The following ITIH5 variants were observed in gnomAD, a reference collection of about 807,000 sequenced individuals.
ITIH5 encodes the protein inter-alpha-trypsin inhibitor heavy chain H5.
In ITIH5, 65 loss-of-function variants were observed where a neutral mutation model predicts 77.5. The ratio of observed to expected loss-of-function variants is 0.84; its 90% confidence interval spans 0.69 to 1.03. The LOEUF is 1.03. ITIH5 is among the 50% of genes least tolerant of loss of function. The probability of loss-of-function intolerance (pLI) is 0.00; values close to 1 mark genes in which losing one functional copy is unlikely to be tolerated. For missense variants in ITIH5, 1,208 were observed against 1,213.1 expected, an observed-to-expected ratio of 1.00 and a Z score of 0.06; for synonymous variants, 525 against 494.3, an observed-to-expected ratio of 1.06 and a Z score of -0.82.
At chr10:7,629,717 A>T (rs1258520898) in intron 5 of ITIH5, among the ~76,000 whole-genome samples, 2 of 152,108 alleles carry the variant, frequency 1.3e-5, no homozygotes, top group Non-Finnish European at 2.9e-5. Context: ...TTTTCCATTC[A>T]CCTGTTCAGG....
At chr10:7,565,911 T>A in intron 13 of ITIH5, 119 bp downstream of exon 13, 1 of 1,399,940 alleles carries the variant, frequency 7.1e-7, no homozygotes, top group East Asian at 2.3e-5. Context: ...GTATATATAA[T>A]GAAAACCACA....
At chr10:7,569,560 C>T (rs1475734463) in intron 12 of ITIH5, 108 bp downstream of exon 12, 6 of 641,904 alleles carry the variant, frequency 9.3e-6, no homozygotes, top group African/African-American at 1.8e-5. Flanking sequence ...ACTCACTGAG[C>T]GTCTGTAAGG....
At chr10:7,641,828 T>C (rs183674311) in intron 3 of ITIH5, 99 bp downstream of exon 3, 489 of 944,668 alleles carry the variant, frequency 5.2e-4, no homozygotes, top group Admixed American at 1.6e-3. Context: ...TCTACTGGAA[T>C]ATAAATCCTC....
At chr10:7,621,422 T>C (rs770454837) in intron 5 of ITIH5, 12 of 152,190 alleles carry the variant, frequency 7.9e-5, no homozygotes, top group Non-Finnish European at 1.8e-4. Context: ...ACTGTATGAT[T>C]ATTTTGGCTT....
intron 7 of ITIH5, among the ~76,000 whole-genome samples, chr10:7,598,163 T>G (rs997575903): frequency 3.3e-5 from 5 of 152,222 alleles, no homozygotes; most frequent in Admixed American, 6.5e-5. Flanking sequence ...AAGTTCCTTT[T>G]GTTGCCCCTC....
intron 12 of ITIH5, among the ~76,000 whole-genome samples, chr10:7,568,698 C>T (rs1243706446): frequency 6.6e-6 from 1 of 152,224 alleles, no homozygotes; most frequent in Non-Finnish European, 1.5e-5. Context: ...GGGGTGCCCA[C>T]TCCAAAGCTT....
chr10:7,582,030 C>A (rs1300196933), intron 8 of ITIH5, among the ~76,000 whole-genome samples: 3 of 151,760 alleles, frequency 2.0e-5, no homozygotes, highest in Non-Finnish European at 4.4e-5. Context: ...CACACGCCAC[C>A]ATGCCTGGCT....
chr10:7,638,200 G>T (rs544204914), intron 4 of ITIH5, among the ~76,000 whole-genome samples: 1 of 152,324 alleles, frequency 6.6e-6, no homozygotes, highest in African/African-American at 2.4e-5. Context: ...CAGAGAGAGT[G>T]CAGGCTCTGA....
At chr10:7,624,824 TGTGTATATAC>T (rs1308086973) in intron 5 of ITIH5, among the ~76,000 whole-genome samples, 3 of 135,824 alleles carry the variant, frequency 2.2e-5, no homozygotes, top group Admixed American at 7.3e-5. Context: ...CACATATATA[TGTGTATATAC>T]ATGTATATAC....
intron 7 of ITIH5, among the ~76,000 whole-genome samples, chr10:7,593,692 AC>A: frequency 5.7e-5 from 1 of 17,682 alleles, no homozygotes; most frequent in Admixed American, 6.0e-4. Context: ...ACCCAGCCCC[AC>A]TCATCCCTGC....
intron 12 of ITIH5, among the ~76,000 whole-genome samples, chr10:7,566,832 GGAAGAGGAAGAGGAAGAA>G (rs1832183114): frequency 0.01 from 341 of 34,010 alleles, 1 homozygote; most frequent in South Asian, 0.013. Context: ...AAGAGGAAGA[GGAAGAGGAAGAGGAAGAA>G]GAAGAAGAAG....
intron 2 of ITIH5, 62 bp from the exon 3 acceptor site, chr10:7,642,152 A>G: frequency 7.4e-7 from 1 of 1,344,594 alleles, no homozygotes; most frequent in Non-Finnish European, 1.0e-6. Context: ...GTGGTAGTGG[A>G]ACATCTTTTT....
chr10:7,619,805 T>A (rs535937518), intron 5 of ITIH5: 2 of 159,852 alleles, frequency 1.3e-5, no homozygotes, highest in African/African-American at 4.8e-5. Context: ...CTCCGACACA[T>A]GGGGATTACA....
chr10:7,624,526 T>C (rs1248129785), intron 5 of ITIH5, among the ~76,000 whole-genome samples: 1 of 147,900 alleles, frequency 6.8e-6, no homozygotes, highest in African/African-American at 2.5e-5. Context: ...CAAACAAACA[T>C]GCATTATCAG....
chr10:7,571,162 T>G (rs1047511866), intron 11 of ITIH5, among the ~76,000 whole-genome samples: 1 of 152,118 alleles, frequency 6.6e-6, no homozygotes, highest in Non-Finnish European at 1.5e-5. Flanking sequence ...TTGCAACATA[T>G]GAAGAAATTC....
rs373965718 is a variant in ITIH5, at chr10:7,641,942, A to G, written c.284T>C (p.Ile95Thr). Residue 95 changes from isoleucine (I) to threonine (T), a missense_variant, in exon 3 of 14, where the codon ATC becomes ACC. Ile to Thr is a moderately conservative substitution (Grantham distance 89). Transcript: ENST00000397146. ...TGTCACCTACATAGTGAAGTTGGTGATGAAAGCTGCAGCTGGAATCTGCAT... is the reference window on the plus strand; with the variant it reads ...TGTCACCTACATAGTGAAGTTGGTGGTGAAAGCTGCAGCTGGAATCTGCAT... Reference protein sequence around the residue: ...FQMQIPAAAFITNFTMLIGDK... With the variant: ...FQMQIPAAAFTTNFTMLIGDK... 15 of 1,614,036 alleles carry G rather than the reference A, an allele frequency of 9.3e-6. No homozygotes were observed. The African/African-American group carries it at 9.3e-5, about 10-fold the overall frequency.
chr10:7,563,358 G>A lies in ITIH5; in HGVS notation c.2554C>T (p.Leu852Phe). ...CTGGGCCCTGCAGGGTCTTCTGTGA[G>A]TCTGGCATCCTGATTCAGGAACTGA... ...LGQFLNQDAR[L>F]TEDPAGPSQN... is the part of the protein sequence containing the mutation. The change falls in exon 14 of 14, where the codon CTC becomes TTC. Residue 852 changes from leucine (L) to phenylalanine (F), a missense_variant. Leu to Phe is a conservative substitution (Grantham distance 22). Transcript: ENST00000397146. The A allele has an allele frequency of 6.2e-7, 1 of 1,613,318 alleles. No homozygotes were observed. The highest frequency in any genetic ancestry group is 8.5e-7 in the Non-Finnish European group (1 of 1,179,324).
At chr10:7,622,011 A>G (rs1833481737) in intron 5 of ITIH5, 1 of 152,134 alleles carries the variant, frequency 6.6e-6, no homozygotes, top group South Asian at 2.1e-4. Context: ...GGTGAGCTGG[A>G]GCAGCTGCTC....
intron 9 of ITIH5, chr10:7,578,515 A>C (rs1388772610): frequency 6.4e-6 from 1 of 156,752 alleles, no homozygotes; most frequent in Non-Finnish European, 1.5e-5. Context: ...GTTTTGAATA[A>C]TTTTTAAAAT....
Sources: allele counts gnomAD v4.1 joint callset (sites outside exome capture counted in the v4.1 genomes callset), GRCh38; gene constraint gnomAD v4.1.1; transcripts MANE v1.5; gene names NCBI Gene and HGNC (gene_info 2026-07-23, HGNC 2026-07-21).